The following PARP8 variants were observed in gnomAD, a reference collection of about 807,000 sequenced individuals.
The protein encoded by PARP8 is protein mono-ADP-ribosyltransferase PARP8.
PARP8 carries 51 observed loss-of-function variants against 124.1 expected under a neutral mutation model. The observed-to-expected ratio is 0.41, with a 90% confidence interval of 0.33 to 0.52. The LOEUF (loss-of-function observed/expected upper bound fraction) is 0.52. Ranked by LOEUF, PARP8 falls within the 20% of genes least tolerant of loss-of-function variation. The pLI, the probability that PARP8 is intolerant of heterozygous loss-of-function variation, is 0.21. For missense variants in PARP8, 860 were observed against 1,018.9 expected (o/e 0.84, Z 2.12); for synonymous variants, 391 against 361.5 (o/e 1.08, Z -0.93).
intron 15 of PARP8, among the ~76,000 whole-genome samples, chr5:50,816,495 A>G (rs528120082): frequency 5.9e-4 from 90 of 152,342 alleles, no homozygotes; most frequent in African/African-American, 2.1e-3. Context: ...ATGGTAGCCT[A>G]GAGCTTAGGA....
At chr5:50,788,826 G>T (rs1355479774) in intron 10 of PARP8, among the ~76,000 whole-genome samples, 1 of 152,150 alleles carries the variant, frequency 6.6e-6, no homozygotes, top group African/African-American at 2.4e-5. Flanking sequence ...CTTTCCTCCA[G>T]CACCCTGCTC....
intron 7 of PARP8, among the ~76,000 whole-genome samples, chr5:50,772,479 G>A (rs1265114804): frequency 2.0e-5 from 3 of 152,084 alleles, no homozygotes; most frequent in Non-Finnish European, 4.4e-5. Context: ...CAGTGCAAAA[G>A]GATTCCCTTT....
At chr5:50,820,360 T>C (rs1319102805) in intron 15 of PARP8, among the ~76,000 whole-genome samples, 1 of 152,196 alleles carries the variant, frequency 6.6e-6, no homozygotes, top group Non-Finnish European at 1.5e-5. Flanking sequence ...ACTGTAGATA[T>C]GTCTGTTCAG....
intron 2 of PARP8, among the ~76,000 whole-genome samples, chr5:50,743,144 G>A (rs1758222354): frequency 6.6e-6 from 1 of 152,084 alleles, no homozygotes; most frequent in Admixed American, 6.6e-5. Flanking sequence ...GTGAGCTAGT[G>A]GTAGGGAAAA....
chr5:50,678,574 G>C (rs928962642), intron 2 of PARP8, among the ~76,000 whole-genome samples: 1 of 152,160 alleles, frequency 6.6e-6, no homozygotes, highest in Non-Finnish European at 1.5e-5. Context: ...ATATGAGAGA[G>C]AAATGGAGAT....
chr5:50,700,248 T>A (rs191016724), intron 2 of PARP8, among the ~76,000 whole-genome samples: 1 of 152,192 alleles, frequency 6.6e-6, no homozygotes, highest in South Asian at 2.1e-4. Flanking sequence ...GTTGCTACTA[T>A]GCTGAAAAGT....
intron 7 of PARP8, among the ~76,000 whole-genome samples, chr5:50,772,753 G>A (rs1451277772): frequency 1.3e-5 from 2 of 152,118 alleles, no homozygotes; most frequent in Non-Finnish European, 2.9e-5. Flanking sequence ...CTGGAGTGCA[G>A]TAGTGCCATC....
chr5:50,791,691 TTGTATGAC>T (rs960876256), intron 10 of PARP8, among the ~76,000 whole-genome samples: 1 of 149,754 alleles, frequency 6.7e-6, no homozygotes, highest in African/African-American at 2.4e-5. Context: ...TCTTCGACTT[TTGTATGAC>T]TTTATGTTGA....
rs1049504238 is a variant in PARP8, at chr5:50,845,746, T to C, written c.*3678T>C. On this transcript the variant is annotated 3_prime_UTR_variant, in exon 26 of 26. Coordinates refer to ENST00000281631, the MANE Select transcript of PARP8 (RefSeq NM_024615.4). ...TTAGTCTATTTTGAGATTGATTTTC[T>C]ACGTGGGCCAATTTTATGTCCATTA... 1.4e-4 allele frequency: 21 copies of C among 151,786 alleles called. No individual in the cohort carries two copies. The highest frequency in any genetic ancestry group is 1.1e-3 in the Admixed American group (16 of 15,182). 9.4% of individuals were successfully genotyped at this position (151,786 alleles called of 1,614,324 possible).
chr5:50,679,172 C>G (rs1054096226), intron 2 of PARP8, among the ~76,000 whole-genome samples: 2 of 152,010 alleles, frequency 1.3e-5, no homozygotes, highest in Admixed American at 6.6e-5. Flanking sequence ...TAAAAAGCAG[C>G]AATAGTGTAC....
intron 1 of PARP8, chr5:50,667,569 C>G (rs1475644827): frequency 4.3e-6 from 3 of 698,226 alleles, no homozygotes; most frequent in Non-Finnish European, 2.6e-6. Context: ...CGGCGGCGGC[C>G]GGGAATGGAG....
At chr5:50,712,909 T>A (rs1005900841) in intron 2 of PARP8, among the ~76,000 whole-genome samples, 5 of 151,918 alleles carry the variant, frequency 3.3e-5, no homozygotes, top group African/African-American at 9.7e-5. Flanking sequence ...ATTTTTTTTT[T>A]ATTTATGTTA....
chr5:50,783,532 T>C lies in PARP8; in HGVS notation c.670+4882T>C, dbSNP rs548716503. On this transcript the variant is annotated intron_variant, in intron 9 of 25. Coordinates refer to ENST00000281631, the MANE Select transcript of PARP8 (RefSeq NM_024615.4). ...GATAGCAACAGAATTGTTGGCCCTG[T>C]TGCTCTATGTACACTAATATATACT... Among the ~76,000 whole-genome samples the C allele has an allele frequency of 3.1e-4, 47 of 152,322 alleles. 1 individual carries two copies. The highest frequency in any genetic ancestry group is 2.5e-3 in the South Asian group (12 of 4,828).
chr5:50,838,526 C>G (rs905331029), intron 25 of PARP8, among the ~76,000 whole-genome samples: 4 of 151,786 alleles, frequency 2.6e-5, no homozygotes, highest in Admixed American at 6.6e-5. Context: ...CCATATTATC[C>G]CCATTTAGAG....
intron 3 of PARP8, among the ~76,000 whole-genome samples, chr5:50,758,807 C>T (rs1055720273): frequency 1.3e-5 from 2 of 151,994 alleles, no homozygotes; most frequent in African/African-American, 4.8e-5. Context: ...TACTTGGAGA[C>T]CTGTATTCAT....
At chr5:50,794,376 T>C (rs1415076207) in intron 11 of PARP8, 44 bp downstream of exon 11, 1 of 1,600,450 alleles carries the variant, frequency 6.2e-7, no homozygotes, top group African/African-American at 1.3e-5. Flanking sequence ...GAATGCTGAG[T>C]GTGTGATGTA....
At chr5:50,672,886 TA>T in intron 2 of PARP8, among the ~76,000 whole-genome samples, 1 of 152,130 alleles carries the variant, frequency 6.6e-6, no homozygotes, top group South Asian at 2.1e-4. Context: ...GAAGCAATGC[TA>T]TCCCCTTAAA....
intron 24 of PARP8, 75 bp downstream of exon 24, chr5:50,834,123 C>A: frequency 8.2e-7 from 1 of 1,213,138 alleles, no homozygotes; most frequent in Non-Finnish European, 1.2e-6. Context: ...AGTATATTTA[C>A]AGAGTGCTTA....
intron 3 of PARP8, among the ~76,000 whole-genome samples, chr5:50,759,368 G>T (rs1459893327): frequency 6.6e-6 from 1 of 152,096 alleles, no homozygotes; most frequent in Admixed American, 6.6e-5. Context: ...ATGATTCATT[G>T]CCATAAGGGA....
Sources: allele counts gnomAD v4.1 joint callset (sites outside exome capture counted in the v4.1 genomes callset), GRCh38; gene constraint gnomAD v4.1.1; transcripts MANE v1.5; gene names NCBI Gene and HGNC (gene_info 2026-07-23, HGNC 2026-07-21).